Variants in BTBD8 observed in about 807,000 individuals in gnomAD.
BTBD8 encodes the protein BTB/POZ domain-containing protein 8.
Under a neutral mutation model 162.9 loss-of-function variants are expected in BTBD8, and 110 were observed. That is an observed-to-expected ratio of 0.68 (90% confidence interval 0.58 to 0.79). The LOEUF (loss-of-function observed/expected upper bound fraction) is 0.79, where lower values mean the gene tolerates loss of function less well. Ranked by LOEUF, BTBD8 falls within the 30% of genes least tolerant of loss-of-function variation. The pLI is 0.00. For synonymous variants in BTBD8, 667 were observed against 716.1 expected, an observed-to-expected ratio of 0.93 and a Z score of 1.10; for missense variants, 1,905 against 2,085.4, an observed-to-expected ratio of 0.91 and a Z score of 1.68.
chr1:92,115,267 A>T, intron 4 of BTBD8: 1 of 475,626 alleles, frequency 2.1e-6, no homozygotes, highest in East Asian at 5.1e-5. Context: ...GATGGCAGTG[A>T]TGGCATGGAC....
At chr1:92,147,853 C>CT in intron 9 of BTBD8, 67 bp downstream of exon 9, 1 of 1,287,054 alleles carries the variant, frequency 7.8e-7, no homozygotes, top group Non-Finnish European at 1.1e-6. Context: ...TTGTATAGTA[C>CT]TTTCAGTGGT....
intron 2 of BTBD8, among the ~76,000 whole-genome samples, chr1:92,100,952 G>A (rs954387140): frequency 2.6e-5 from 4 of 152,000 alleles, no homozygotes; most frequent in Admixed American, 6.6e-5. Context: ...TAGGTTTGTG[G>A]GGGAACAGGT....
intron 10 of BTBD8, 140 bp downstream of exon 10, chr1:92,167,280 A>G (rs766620253): frequency 1.4e-4 from 157 of 1,150,336 alleles, no homozygotes; most frequent in Non-Finnish European, 1.8e-4. Flanking sequence ...GCATGTTTAC[A>G]TAGGATTTAA....
At chr1:92,170,496 A>G (rs889061757) in intron 12 of BTBD8, among the ~76,000 whole-genome samples, 3 of 152,138 alleles carry the variant, frequency 2.0e-5, no homozygotes, top group African/African-American at 7.2e-5. Context: ...GCTTACTGCA[A>G]ATCAGTCCTA....
At chr1:92,084,199 G>A (rs570431888) in intron 1 of BTBD8, among the ~76,000 whole-genome samples, 12 of 152,112 alleles carry the variant, frequency 7.9e-5, no homozygotes, top group African/African-American at 2.9e-4. Flanking sequence ...TCATCTGTGC[G>A]GTAGTTTTCT....
At chr1:92,141,649 T>A (rs2100625866) in intron 7 of BTBD8, among the ~76,000 whole-genome samples, 1 of 152,292 alleles carries the variant, frequency 6.6e-6, no homozygotes, top group South Asian at 2.1e-4. Context: ...TCTCTTCAGG[T>A]GACCTATGGA....
At chr1:92,103,230 T>C (rs1648645089) in intron 3 of BTBD8, among the ~76,000 whole-genome samples, 1 of 152,214 alleles carries the variant, frequency 6.6e-6, no homozygotes, top group Non-Finnish European at 1.5e-5. Context: ...ATTGATTATA[T>C]TTGAAAATAT....
chr1:92,167,347 T>G (rs1175757898), intron 10 of BTBD8, among the ~76,000 whole-genome samples: 1 of 152,188 alleles, frequency 6.6e-6, no homozygotes, highest in Non-Finnish European at 1.5e-5. Flanking sequence ...AGGGACAGGT[T>G]TGAGTGCCCT....
At chr1:92,178,529 T>G (rs1650789949) in intron 16 of BTBD8, 78 bp downstream of exon 16, 1 of 1,184,668 alleles carries the variant, frequency 8.4e-7, no homozygotes. Context: ...GATTTGCAAC[T>G]TCAGTAGCAA....
At chr1:92,089,755 T>C (rs1158319202) in intron 2 of BTBD8, among the ~76,000 whole-genome samples, 1 of 152,206 alleles carries the variant, frequency 6.6e-6, no homozygotes, top group Non-Finnish European at 1.5e-5. Flanking sequence ...TCCCACCTCT[T>C]CATACCACCA....
At chr1:92,133,469 A>G (rs955084816) in intron 5 of BTBD8, among the ~76,000 whole-genome samples, 3 of 152,230 alleles carry the variant, frequency 2.0e-5, no homozygotes, top group Non-Finnish European at 2.9e-5. Flanking sequence ...TACTTTGCAT[A>G]ACCAGCAGCT....
chr1:92,159,991 T>C (rs987188465), intron 9 of BTBD8, among the ~76,000 whole-genome samples: 2 of 152,158 alleles, frequency 1.3e-5, no homozygotes, highest in Non-Finnish European at 2.9e-5. Context: ...TCTGACACTT[T>C]TTCTCCTTTC....
Position 92,168,959 on chromosome 1 carries a change from C to T in BTBD8, c.1537C>T (p.Leu513=), listed in dbSNP as rs1650461111. Reference sequence around the variant, plus strand: ...TGTTCGTCACACAGAAAGCTGGAAGCTGATGAGCACAGATGATCAACAGAA... The same window carrying T: ...TGTTCGTCACACAGAAAGCTGGAAGTTGATGAGCACAGATGATCAACAGAA... ...YAVRHTESWK[L]MSTDDQQKIQ... is the part of the protein sequence containing the mutation. Residue 513 remains leucine, a synonymous_variant, in exon 12 of 18, where the codon CTG becomes TTG. Coordinates refer to ENST00000636805, the MANE Select transcript of BTBD8 (RefSeq NM_001376131.1). 6.5e-7 allele frequency: 1 copy of T among 1,541,334 alleles called. No homozygotes were observed. Among genetic ancestry groups the T allele is most frequent in the Non-Finnish European group, 8.8e-7 (1 of 1,139,504 alleles).
chr1:92,177,567 T>G, intron 14 of BTBD8, 21 bp downstream of exon 14: 1 of 1,403,598 alleles, frequency 7.1e-7, no homozygotes, highest in Non-Finnish European at 9.6e-7. Context: ...GCACTGTAAT[T>G]TTTAATATCT....
chr1:92,108,344 T>C (rs535578647), intron 4 of BTBD8, among the ~76,000 whole-genome samples: 1 of 152,366 alleles, frequency 6.6e-6, no homozygotes, highest in South Asian at 2.1e-4. Context: ...CTAAAATAGA[T>C]TTGAAAGCCA....
Position 92,112,786 on chromosome 1 carries a change from CA to C in BTBD8, c.662+4787del, listed in dbSNP as rs1436269483. Among the ~76,000 whole-genome samples, 9 of 152,138 alleles carry C rather than the reference CA, an allele frequency of 5.9e-5. 1 individual carries two copies. Among genetic ancestry groups the C allele is most frequent in the African/African-American group, 2.2e-4 (9 of 41,444 alleles). On this transcript the variant is annotated intron_variant, in intron 4 of 17. Transcript: ENST00000636805. ...AGTATTTGATAAGAAGTGACATGGA[CA>C]ATAGTGATTACTCCAAAAATTTAGA...
intron 5 of BTBD8, among the ~76,000 whole-genome samples, chr1:92,130,860 G>A (rs1163961432): frequency 6.6e-6 from 1 of 151,950 alleles, no homozygotes; most frequent in Admixed American, 6.6e-5. Flanking sequence ...GCGCCACCAC[G>A]CCTGGCTAAT....
chr1:92,157,935 A>T (rs1467269201), intron 9 of BTBD8, among the ~76,000 whole-genome samples: 1 of 152,176 alleles, frequency 6.6e-6, no homozygotes, highest in Non-Finnish European at 1.5e-5. Context: ...GGGTGCATAT[A>T]TGTTTATAAT....
intron 9 of BTBD8, among the ~76,000 whole-genome samples, chr1:92,163,725 T>A (rs993556042): frequency 6.6e-6 from 1 of 152,104 alleles, no homozygotes; most frequent in Non-Finnish European, 1.5e-5. Flanking sequence ...GAATTAAAAT[T>A]TAAGTGTTTG....
Sources: gnomAD v4.1 joint callset for allele counts (sites outside exome capture counted in the v4.1 genomes callset) on GRCh38, gnomAD v4.1.1 for gene constraint, MANE v1.5 for transcripts, NCBI Gene and HGNC (gene_info 2026-07-23, HGNC 2026-07-21) for gene names.